Variants in GPR176 observed in about 807,000 individuals in gnomAD.
GPR176 encodes G-protein coupled receptor 176.
GPR176 carries 26 observed loss-of-function variants against 35.4 expected under a neutral mutation model. The observed-to-expected ratio is 0.74, with a 90% confidence interval of 0.54 to 1.02. GPR176 has a LOEUF of 1.02. Ranked by LOEUF, GPR176 falls within the 50% of genes least tolerant of loss-of-function variation. The pLI, the probability that GPR176 is intolerant of heterozygous loss-of-function variation, is 0.00. For synonymous variants in GPR176, 278 were observed against 271.3 expected, an observed-to-expected ratio of 1.02 and a Z score of -0.24; for missense variants, 597 against 665.3, an observed-to-expected ratio of 0.90 and a Z score of 1.13.
intron 1 of GPR176, among the ~76,000 whole-genome samples, chr15:39,877,894 T>C (rs2032312849): frequency 6.6e-6 from 1 of 152,092 alleles, no homozygotes; most frequent in South Asian, 2.1e-4. Context: ...ACTCATGCAG[T>C]ATTTCCCAAC....
chr15:39,909,685 T>C (rs2033525843), intron 1 of GPR176, among the ~76,000 whole-genome samples: 1 of 152,236 alleles, frequency 6.6e-6, no homozygotes, highest in Non-Finnish European at 1.5e-5. Flanking sequence ...CTTGAGCCTT[T>C]TCTTTAAGCT....
intron 1 of GPR176, among the ~76,000 whole-genome samples, chr15:39,880,658 T>G (rs954787557): frequency 1.8e-4 from 27 of 152,132 alleles, no homozygotes; most frequent in Admixed American, 4.6e-4. Context: ...TCTTTCACAC[T>G]CTCTCTCTTT....
chr15:39,805,861 A>G (rs1428828857), intron 2 of GPR176, among the ~76,000 whole-genome samples: 1 of 152,222 alleles, frequency 6.6e-6, no homozygotes, highest in Non-Finnish European at 1.5e-5. Flanking sequence ...CAGAAAGTTT[A>G]AGCAGCTTTA....
chr15:39,840,213 C>G (rs1204792092), intron 1 of GPR176, among the ~76,000 whole-genome samples: 1 of 152,116 alleles, frequency 6.6e-6, no homozygotes, highest in Non-Finnish European at 1.5e-5. Flanking sequence ...TTCACAATGC[C>G]AAAGACCTGG....
chr15:39,907,853 C>T (rs548985621), intron 1 of GPR176, among the ~76,000 whole-genome samples: 2 of 152,138 alleles, frequency 1.3e-5, no homozygotes, highest in African/African-American at 4.8e-5. Flanking sequence ...GGCATGGTGG[C>T]GTATGCCTGT....
chr15:39,809,140 A>C (rs1442738403), intron 1 of GPR176, among the ~76,000 whole-genome samples: 2 of 152,216 alleles, frequency 1.3e-5, no homozygotes, highest in Non-Finnish European at 2.9e-5. Flanking sequence ...GACTGCTATA[A>C]TCACATTTTA....
At chr15:39,835,375 A>C (rs1176884928) in intron 1 of GPR176, among the ~76,000 whole-genome samples, 4 of 152,122 alleles carry the variant, frequency 2.6e-5, no homozygotes, top group African/African-American at 9.7e-5. Flanking sequence ...AAAAAATAAA[A>C]ATTAAAAATT....
intron 1 of GPR176, among the ~76,000 whole-genome samples, chr15:39,848,753 T>C (rs897476936): frequency 5.3e-5 from 8 of 151,904 alleles, no homozygotes; most frequent in African/African-American, 9.7e-5. Context: ...TCAAAGAATA[T>C]GTTGAACTTA....
intron 1 of GPR176, among the ~76,000 whole-genome samples, chr15:39,865,926 C>T (rs72729433): frequency 0.027 from 4,099 of 151,754 alleles, 56 homozygotes; most frequent in Admixed American, 0.046. Flanking sequence ...TTAGTTGTAA[C>T]GGTGAAAGAC....
chr15:39,891,363 T>G (rs1020853166), intron 1 of GPR176, among the ~76,000 whole-genome samples: 1 of 152,074 alleles, frequency 6.6e-6, no homozygotes, highest in African/African-American at 2.4e-5. Context: ...ATTTTCGGGG[T>G]TTTTTTGTTG....
chr15:39,805,983 G>T (rs912905684), intron 2 of GPR176, among the ~76,000 whole-genome samples: 2 of 152,182 alleles, frequency 1.3e-5, no homozygotes, highest in Non-Finnish European at 2.9e-5. Flanking sequence ...TATGCTGGGG[G>T]CTTCGTGTGA....
intron 1 of GPR176, chr15:39,807,709 G>T (rs1230844687): frequency 7.9e-6 from 5 of 629,660 alleles, no homozygotes; most frequent in Non-Finnish European, 1.4e-5. Context: ...AGAAGCAGGT[G>T]AGATTTTAAT....
At chr15:39,840,912 A>G (rs2029923931) in intron 1 of GPR176, among the ~76,000 whole-genome samples, 1 of 152,134 alleles carries the variant, frequency 6.6e-6, no homozygotes, top group Non-Finnish European at 1.5e-5. Context: ...TGAGGCAGGT[A>G]TTACTAGTTG....
chr15:39,886,760 G>A (rs922623217), intron 1 of GPR176, among the ~76,000 whole-genome samples: 10 of 152,310 alleles, frequency 6.6e-5, no homozygotes, highest in African/African-American at 2.4e-4. Flanking sequence ...AATTAATTAT[G>A]TTCACCTTCA....
rs1409017185 is a variant in GPR176, at chr15:39,802,101, C to T, written c.579G>A (p.Thr193=). 9.9e-6 allele frequency: 16 copies of T among 1,614,134 alleles called. No homozygotes were observed. The highest frequency in any genetic ancestry group is 1.4e-5 in the Non-Finnish European group (16 of 1,180,028). ...VADIYATSTC[T]EVWSNSLGHL... ...GGCCCAAGGAGTTGCTCCAGACTTC[C>T]GTGCAGGTGGACGTGGCATAGATGT... Residue 193 remains threonine (T), a synonymous_variant, in exon 3 of 3, where the codon ACG becomes ACA. Transcript: ENST00000561100.
chr15:39,840,803 T>C (rs969345401), intron 1 of GPR176, among the ~76,000 whole-genome samples: 3 of 152,078 alleles, frequency 2.0e-5, no homozygotes, highest in Non-Finnish European at 4.4e-5. Context: ...AAATAGCCCA[T>C]GAGGAAGTTG....
chr15:39,807,507 A>G lies in GPR176; in HGVS notation c.173-249T>C. On this transcript the variant is annotated intron_variant, in intron 1 of 2. Transcript: ENST00000561100. ...TGAGTTTCTCTATTTAATTTTGGGC[A>G]AAATAGTATTATAACGATGGCTTAG... The G allele has an allele frequency of 1.1e-5, 15 of 1,418,992 alleles. 1 individual carries two copies. The South Asian group carries it at 2.2e-4, about 20-fold the overall frequency. The allele number at this position is 1,418,992 out of a possible 1,614,324, so 87.9% of individuals were successfully genotyped here. A position where few individuals can be genotyped will look rare whatever the true frequency, so the allele number is the denominator to read the frequency against.
chr15:39,913,813 A>G (rs1013408812), intron 1 of GPR176, among the ~76,000 whole-genome samples: 2 of 152,152 alleles, frequency 1.3e-5, no homozygotes, highest in Non-Finnish European at 2.9e-5. Context: ...TTGGGAGGCC[A>G]AGGCAGGCAG....
chr15:39,846,332 A>T (rs530948579), intron 1 of GPR176, among the ~76,000 whole-genome samples: 2 of 152,222 alleles, frequency 1.3e-5, no homozygotes, highest in Non-Finnish European at 2.9e-5. Context: ...TAACCATGAG[A>T]GGAATTTAGT....
Sources: gnomAD v4.1 joint callset for allele counts (sites outside exome capture counted in the v4.1 genomes callset) on GRCh38, gnomAD v4.1.1 for gene constraint, MANE v1.5 for transcripts, NCBI Gene and HGNC (gene_info 2026-07-23, HGNC 2026-07-21) for gene names.